Variants in MAGOH observed in about 807,000 individuals in gnomAD.
MAGOH encodes mago homolog, exon junction complex subunit, also known as protein mago nashi homolog.
A neutral mutation model predicts 20.9 loss-of-function variants in MAGOH; 3 were observed. The ratio of observed to expected loss-of-function variants is 0.14; its 90% confidence interval spans 0.07 to 0.37. The LOEUF (loss-of-function observed/expected upper bound fraction) is 0.37, where lower values mean the gene tolerates loss of function less well. MAGOH is among the 10% of genes least tolerant of loss of function. The pLI is 1.00. For synonymous variants in MAGOH, 51 were observed against 61.0 expected, an observed-to-expected ratio of 0.84 and a Z score of 0.76; for missense variants, 66 against 178.1, an observed-to-expected ratio of 0.37 and a Z score of 3.58.
At chr1:53,227,231 G>T in intron 4 of MAGOH, 87 bp from the exon 5 acceptor site, 1 of 600,792 alleles carries the variant, frequency 1.7e-6, no homozygotes, top group Non-Finnish European at 2.9e-6. Context: ...TATTAAAACG[G>T]TATATTATGA....
chr1:53,232,884 T>C (rs985772437), intron 3 of MAGOH, among the ~76,000 whole-genome samples: 1 of 152,210 alleles, frequency 6.6e-6, no homozygotes, highest in Non-Finnish European at 1.5e-5. Context: ...GCGGATCACC[T>C]GAGGTCAGGA....
chr1:53,234,376 T>C (rs910122781), intron 2 of MAGOH, among the ~76,000 whole-genome samples: 16 of 147,910 alleles, frequency 1.1e-4, no homozygotes, highest in African/African-American at 4.1e-4. Flanking sequence ...GGTTATTCTT[T>C]TTTTTTTTTT....
chr1:53,230,859 T>G (rs1645582808), intron 3 of MAGOH, among the ~76,000 whole-genome samples: 1 of 152,238 alleles, frequency 6.6e-6, no homozygotes, highest in African/African-American at 2.4e-5. Flanking sequence ...ATCTAGCTCA[T>G]TAGTTTTAAA....
intron 1 of MAGOH, among the ~76,000 whole-genome samples, chr1:53,237,673 C>CAAAAAAAAAAAAAA (rs1231950502): frequency 0.1 from 5,642 of 54,964 alleles, 655 homozygotes; most frequent in Non-Finnish European, 0.16. Flanking sequence ...AAAGCCGTCT[C>CAAAAAAAAAAAAAA]AAAAAAAAAA....
chr1:53,237,689 A>AAAAAAAAAAAAAAAAAAAAAAC (rs1645619536), intron 1 of MAGOH, among the ~76,000 whole-genome samples: 1 of 150,666 alleles, frequency 6.6e-6, no homozygotes, highest in South Asian at 2.1e-4. Context: ...AAAAAAAAAA[A>AAAAAAAAAAAAAAAAAAAAAAC]AAAAGGCCTT....
At chr1:53,232,169 C>T (rs1312049096) in intron 3 of MAGOH, among the ~76,000 whole-genome samples, 1 of 151,982 alleles carries the variant, frequency 6.6e-6, no homozygotes, top group Non-Finnish European at 1.5e-5. Context: ...CTCCCTTGAA[C>T]ATAAATTAAA....
At chr1:53,238,227 C>A in intron 1 of MAGOH, 134 bp downstream of exon 1, 2 of 737,058 alleles carry the variant, frequency 2.7e-6, no homozygotes, top group East Asian at 2.6e-5. Context: ...CAGTGGCGTT[C>A]CTTTAAGATC....
intron 2 of MAGOH, among the ~76,000 whole-genome samples, chr1:53,234,374 T>TC (rs150093466): frequency 1.6e-4 from 11 of 70,240 alleles, no homozygotes; most frequent in Non-Finnish European, 1.1e-4. Flanking sequence ...CTGGTTATTC[T>TC]TTTTTTTTTT....
At chr1:53,228,405 C>A (rs1251197811) in intron 4 of MAGOH, among the ~76,000 whole-genome samples, 1 of 152,026 alleles carries the variant, frequency 6.6e-6, no homozygotes, top group Non-Finnish European at 1.5e-5. Flanking sequence ...GCACTCCAGT[C>A]CGGGTGACAG....
At position 53,233,647 on chromosome 1, in the gene MAGOH, A is replaced by G. The variant is rs764519975; in HGVS notation, c.153T>C (p.Tyr51=). The part of the protein sequence containing the change: ...KNDVMIRKEA[Y]VHKSVMEELK... ...GTTCCTCCATCACGCTTTTATGTAC[A>G]TAAGCCTGAACGCAAGTTAAAAAAC... is the stretch of plus-strand genomic sequence containing the variant. The change falls in exon 3 of 5, where the codon TAT becomes TAC. Residue 51 remains tyrosine (Y), a synonymous_variant. Transcript: ENST00000371470. The G allele has an allele frequency of 1.9e-6, 3 of 1,606,826 alleles. No homozygotes were observed. The highest frequency in any genetic ancestry group is 1.7e-5 in the Admixed American group (1 of 59,904).
Position 53,238,479 on chromosome 1 carries a change from C to G in MAGOH, c.-31G>C, listed in dbSNP as rs762660187. The G allele has an allele frequency of 2.5e-6, 4 of 1,599,028 alleles. No homozygotes were observed. The Admixed American group carries it at 5.0e-5, about 20-fold the overall frequency. ...CCAAAAGACAACCGAGCCTGAACTT[C>G]CAAGAGCAAGCCGCACTGCCGCCGT... On this transcript the variant is annotated 5_prime_UTR_variant, in exon 1 of 5. Transcript: ENST00000371470.
chr1:53,227,194 A>G (rs1270546389), intron 4 of MAGOH, 50 bp from the exon 5 acceptor site: 1 of 1,010,576 alleles, frequency 9.9e-7, no homozygotes, highest in African/African-American at 1.7e-5. Flanking sequence ...TGACCCATCA[A>G]GTGTCCCTAA....
chr1:53,233,293 C>A, intron 3 of MAGOH: 1 of 308,020 alleles, frequency 3.2e-6, no homozygotes, highest in Admixed American at 4.6e-5. Context: ...AAATGGTGCT[C>A]AGAATGAATA....
rs1392997627 is a variant in MAGOH, at chr1:53,227,128, G to T, written c.358C>A (p.Arg120=). The change falls in exon 5 of 5, where the codon CGA becomes AGA. Residue 120 remains arginine, a synonymous_variant. Coordinates refer to ENST00000371470, the MANE Select transcript of MAGOH (RefSeq NM_002370.4). Reference sequence around the variant, plus strand: ...TCCTGGACAAGATAATAAAATACTCGTAAGCCTTCTGGATCCCTAAAATAC... The same window carrying T: ...TCCTGGACAAGATAATAAAATACTCTTAAGCCTTCTGGATCCCTAAAATAC... ...VNQSKDPEGL[R]VFYYLVQDLK... is the part of the protein sequence containing the mutation. 1.3e-6 allele frequency: 2 copies of T among 1,587,268 alleles called. No individual in the cohort carries two copies. Among genetic ancestry groups the T allele is most frequent in the Non-Finnish European group, 1.7e-6 (2 of 1,170,130 alleles).
intron 3 of MAGOH, among the ~76,000 whole-genome samples, chr1:53,231,226 AC>A (rs1425297930): frequency 6.6e-6 from 1 of 152,124 alleles, no homozygotes; most frequent in Non-Finnish European, 1.5e-5. Flanking sequence ...TCTATTCATA[AC>A]CTTTGCACAT....
At chr1:53,232,447 GAAA>G (rs372025121) in intron 3 of MAGOH, among the ~76,000 whole-genome samples, 1 of 150,058 alleles carries the variant, frequency 6.7e-6, no homozygotes, top group East Asian at 1.9e-4. Context: ...AAAGCAAAAA[GAAA>G]AAAAAACACA....
chr1:53,228,101 T>C (rs761618889), intron 4 of MAGOH, among the ~76,000 whole-genome samples: 33 of 152,138 alleles, frequency 2.2e-4, no homozygotes, highest in Non-Finnish European at 3.1e-4. Flanking sequence ...TTTAAAATCT[T>C]GATCCCTTTT....
intron 2 of MAGOH, among the ~76,000 whole-genome samples, chr1:53,234,305 A>G (rs1645600728): frequency 6.6e-6 from 1 of 152,088 alleles, no homozygotes; most frequent in African/African-American, 2.4e-5. Context: ...ACTGCTTACA[A>G]ATTACCCAGT....
chr1:53,230,593 GT>G (rs77270897), intron 3 of MAGOH, among the ~76,000 whole-genome samples: 1,657 of 143,384 alleles, frequency 0.012, 22 homozygotes, highest in African/African-American at 0.033. Context: ...AATTTTTAGG[GT>G]TTTTTTTTTT....
Sources: gnomAD v4.1 joint callset for allele counts (sites outside exome capture counted in the v4.1 genomes callset) on GRCh38, gnomAD v4.1.1 for gene constraint, MANE v1.5 for transcripts, NCBI Gene and HGNC (gene_info 2026-07-23, HGNC 2026-07-21) for gene names.